The following NSD2 variants were observed in gnomAD, a reference collection of about 807,000 sequenced individuals.
NSD2 encodes histone-lysine N-methyltransferase NSD2.
Under a neutral mutation model 139.0 loss-of-function variants are expected in NSD2, and 12 were observed. The observed-to-expected ratio is 0.09, with a 90% confidence interval of 0.06 to 0.14. NSD2 has a LOEUF of 0.14. Among genes scored for constraint, NSD2 ranks in the 10% least tolerant of loss-of-function variants. The pLI, the probability that NSD2 is intolerant of heterozygous loss-of-function variation, is 1.00. For synonymous variants in NSD2, 669 were observed against 648.7 expected (o/e 1.03, Z -0.48); for missense variants, 1,155 against 1,745.0 (o/e 0.66, Z 6.02).
At chr4:1,897,120 T>C (rs1716451126) in intron 1 of NSD2, among the ~76,000 whole-genome samples, 1 of 150,684 alleles carries the variant, frequency 6.6e-6, no homozygotes, top group South Asian at 2.1e-4. Context: ...CAGTGAGCCA[T>C]GATCATACCA....
At chr4:1,950,862 T>C (rs1724143631) in intron 9 of NSD2, among the ~76,000 whole-genome samples, 1 of 152,234 alleles carries the variant, frequency 6.6e-6, no homozygotes, top group African/African-American at 2.4e-5. Flanking sequence ...AAAGTCCGTT[T>C]TTGAATTTTC....
intron 1 of NSD2, among the ~76,000 whole-genome samples, chr4:1,874,245 C>T (rs1714087320): frequency 6.6e-6 from 1 of 152,164 alleles, no homozygotes; most frequent in Non-Finnish European, 1.5e-5. Flanking sequence ...GCCTCAGTCT[C>T]TTGTTTTGCT....
At chr4:1,916,121 G>T (rs1719357146) in intron 3 of NSD2, among the ~76,000 whole-genome samples, 1 of 152,106 alleles carries the variant, frequency 6.6e-6, no homozygotes, top group African/African-American at 2.4e-5. Flanking sequence ...TGAGGCCACT[G>T]ATGCTCCTGT....
At chr4:1,946,258 ATTATTTAT>A (rs569689868) in intron 9 of NSD2, 36 of 959,366 alleles carry the variant, frequency 3.8e-5, no homozygotes, top group East Asian at 7.1e-5. Flanking sequence ...GCATTTATTT[ATTATTTAT>A]TTATTTATTT....
chr4:1,889,944 C>A (rs1288323055), intron 1 of NSD2, among the ~76,000 whole-genome samples: 1 of 152,148 alleles, frequency 6.6e-6, no homozygotes, highest in Non-Finnish European at 1.5e-5. Flanking sequence ...CTAAACATTT[C>A]ATCAGCTCAG....
rs141720085 is a variant in NSD2, at chr4:1,883,324, C to T, written c.-30+11782C>T. Among the ~76,000 whole-genome samples the T allele has an allele frequency of 6.8e-4, 103 of 151,940 alleles. 1 individual carries two copies. The highest frequency in any genetic ancestry group is 2.4e-3 in the African/African-American group (99 of 41,470). On this transcript the variant is annotated intron_variant, in intron 1 of 21. Coordinates refer to ENST00000508803, the MANE Select transcript of NSD2 (RefSeq NM_001042424.3). ...AACCCCACCTTGATACCCCTCCCCC[C>T]ATTTAAAAGTGTACCCCCTCTGCAG...
At chr4:1,971,078 G>A (rs1726418843) in intron 18 of NSD2, among the ~76,000 whole-genome samples, 1 of 152,250 alleles carries the variant, frequency 6.6e-6, no homozygotes, top group African/African-American at 2.4e-5. Flanking sequence ...TTGTGGGCAG[G>A]CCGGGTGCAG....
Position 1,974,823 on chromosome 4 carries a change from A to G in NSD2, c.3373-40A>G. 1 of 1,610,856 alleles carries G rather than the reference A, an allele frequency of 6.2e-7. No homozygotes were observed. The highest frequency in any genetic ancestry group is 8.5e-7 in the Non-Finnish European group (1 of 1,177,240). ...AAATTCCCTTTAAAAATAACATGCG[A>G]TTGCTAACACTTGACCGAATATATC... On this transcript the variant is annotated intron_variant, in intron 18 of 21. Coordinates refer to ENST00000508803, the MANE Select transcript of NSD2 (RefSeq NM_001042424.3). The surrounding 1 kb of genome is among the most constrained non-coding windows in gnomAD (Gnocchi z 4.0).
chr4:1,964,319 C>T (rs1258390925), intron 18 of NSD2, among the ~76,000 whole-genome samples: 1 of 152,172 alleles, frequency 6.6e-6, no homozygotes, highest in African/African-American at 2.4e-5. Flanking sequence ...GTGTCCCCAC[C>T]TAGACCACAG....
intron 1 of NSD2, among the ~76,000 whole-genome samples, chr4:1,874,679 T>G (rs1185054150): frequency 3.3e-5 from 5 of 152,070 alleles, no homozygotes; most frequent in South Asian, 2.1e-4. Flanking sequence ...AGTATATAAG[T>G]CCAACAAGTA....
rs563993205 is a variant in NSD2, at chr4:1,940,830, G to T, written c.1881+1052G>T. ...ATTAGAGGAGTGTAGGCCTTCCAGTGCAGGAAGGTCAGGGACCTAGGCAAC... is the reference window on the plus strand; with the variant it reads ...ATTAGAGGAGTGTAGGCCTTCCAGTTCAGGAAGGTCAGGGACCTAGGCAAC... On this transcript the variant is annotated intron_variant, in intron 9 of 21. Transcript: ENST00000508803. 17 of 1,057,250 alleles carry T rather than the reference G, an allele frequency of 1.6e-5. No individual in the cohort carries two copies. The South Asian group carries it at 7.3e-4, about 45-fold the overall frequency. The allele number at this position is 1,057,250 out of a possible 1,614,324, so 65.5% of individuals were successfully genotyped here.
chr4:1,911,455 C>T (rs1718647572), intron 3 of NSD2, among the ~76,000 whole-genome samples: 1 of 151,370 alleles, frequency 6.6e-6, no homozygotes, highest in Non-Finnish European at 1.5e-5. Context: ...GGGTGTGGTC[C>T]CAGGCGCCTG....
At chr4:1,922,867 A>G (rs977574069) in intron 5 of NSD2, among the ~76,000 whole-genome samples, 1 of 152,198 alleles carries the variant, frequency 6.6e-6, no homozygotes, top group South Asian at 2.1e-4. Context: ...CGGAGGTTGC[A>G]GTGAGCTGGG....
intron 1 of NSD2, among the ~76,000 whole-genome samples, chr4:1,872,357 A>C (rs1713853570): frequency 1.3e-5 from 2 of 152,088 alleles, no homozygotes; most frequent in South Asian, 4.1e-4. Context: ...GTTTTGCTCC[A>C]CTCACAGGAA....
At chr4:1,944,735 A>C in intron 9 of NSD2, 3 of 1,064,838 alleles carry the variant, frequency 2.8e-6, no homozygotes, top group African/African-American at 1.6e-5. Flanking sequence ...TTGGGCCATC[A>C]AGCCTTTATA....
intron 1 of NSD2, chr4:1,887,619 G>A (rs1715215357): frequency 6.6e-6 from 1 of 152,494 alleles, no homozygotes; most frequent in Admixed American, 6.5e-5. Flanking sequence ...GGGATTACAG[G>A]TGTGAGCGTG....
chr4:1,932,950 G>T (rs979577542), intron 6 of NSD2, among the ~76,000 whole-genome samples: 1 of 152,242 alleles, frequency 6.6e-6, no homozygotes, highest in African/African-American at 2.4e-5. Flanking sequence ...AGGCAGACCT[G>T]CCTGAGGGGG....
intron 1 of NSD2, among the ~76,000 whole-genome samples, chr4:1,872,635 A>AGAGAGAGAGAGAGAGAGAGAGAGAGC (rs1179623184): frequency 3.3e-5 from 4 of 120,202 alleles, no homozygotes; most frequent in Non-Finnish European, 5.4e-5. Context: ...AGAGAGAGAG[A>AGAGAGAGAGAGAGAGAGAGAGAGAGC]GCGCGCAGAC....
chr4:1,964,106 G>A (rs749642783), intron 18 of NSD2, among the ~76,000 whole-genome samples: 1 of 152,188 alleles, frequency 6.6e-6, no homozygotes, highest in Admixed American at 6.5e-5. Context: ...TGCTTTTAGC[G>A]AGGACCTGAG....
Sources: allele counts gnomAD v4.1 joint callset (sites outside exome capture counted in the v4.1 genomes callset), GRCh38; gene constraint gnomAD v4.1.1; non-coding constraint Gnocchi (gnomAD v3.1); transcripts MANE v1.5; gene names NCBI Gene and HGNC (gene_info 2026-07-23, HGNC 2026-07-21).